IFFO2: variants seen among roughly 807,000 people sequenced by gnomAD.
IFFO2 encodes the protein intermediate filament family orphan 2.
Under a neutral mutation model 53.5 loss-of-function variants are expected in IFFO2, and 19 were observed. The ratio of observed to expected loss-of-function variants is 0.36; its 90% CI spans 0.25 to 0.52. The LOEUF (loss-of-function observed/expected upper bound fraction) is 0.52, where lower values mean the gene tolerates loss of function less well. Among genes scored for constraint, IFFO2 ranks in the 20% least tolerant of loss-of-function variants. IFFO2 has a pLI of 0.94. For synonymous variants in IFFO2, 303 were observed against 313.6 expected, an observed-to-expected ratio of 0.97 and a Z score of 0.36; for missense variants, 570 against 727.4, an observed-to-expected ratio of 0.78 and a Z score of 2.49.
chr1:18,946,996 A>G (rs1457591194), intron 1 of IFFO2, among the ~76,000 whole-genome samples: 1 of 152,202 alleles, frequency 6.6e-6, no homozygotes, highest in Admixed American at 6.5e-5. Flanking sequence ...TTGTCACATG[A>G]TGCTGCCACA....
intron 1 of IFFO2, among the ~76,000 whole-genome samples, chr1:18,933,897 A>T (rs1359710329): frequency 6.6e-6 from 1 of 152,048 alleles, no homozygotes; most frequent in Middle Eastern, 3.2e-3. Context: ...GCAAAACTGC[A>T]ACTGTGCCTG....
intron 1 of IFFO2, among the ~76,000 whole-genome samples, chr1:18,952,149 T>C (rs1028980536): frequency 1.3e-5 from 2 of 152,216 alleles, no homozygotes; most frequent in Admixed American, 1.3e-4. Flanking sequence ...AGCCCCCAGC[T>C]TGCAAAGTCA....
At chr1:18,940,039 G>A (rs879891469) in intron 1 of IFFO2, among the ~76,000 whole-genome samples, 5 of 152,214 alleles carry the variant, frequency 3.3e-5, no homozygotes, top group Admixed American at 3.3e-4. Flanking sequence ...CCCCTCAGGG[G>A]CTCAGCCAAC....
At chr1:18,951,292 C>A (rs1035805318) in intron 1 of IFFO2, among the ~76,000 whole-genome samples, 5 of 152,152 alleles carry the variant, frequency 3.3e-5, no homozygotes, top group African/African-American at 1.2e-4. Flanking sequence ...GACTCCAGGG[C>A]TCTAAAAAGC....
intron 1 of IFFO2, among the ~76,000 whole-genome samples, chr1:18,951,334 A>G (rs1263652705): frequency 1.2e-4 from 18 of 152,090 alleles, no homozygotes; most frequent in Non-Finnish European, 2.9e-5. Context: ...GAATGATCAC[A>G]GTGGTCTCTC....
rs772696008 is a variant in IFFO2, at chr1:18,910,455, G to A, written c.1335C>T (p.Ala445=). 42 of 1,613,406 alleles carry A rather than the reference G, an allele frequency of 2.6e-5. No individual in the cohort carries two copies. Among genetic ancestry groups the A allele is most frequent in the Non-Finnish European group, 4.2e-6 (5 of 1,179,760 alleles). The change falls in exon 8 of 9, where the codon GCC becomes GCT. Residue 445 remains alanine, a synonymous_variant. Coordinates refer to ENST00000455833, the MANE Select transcript of IFFO2 (RefSeq NM_001136265.2). The part of the protein sequence containing the change: ...IGQIELELAT[A]KSDMNRHLHE... ...GCAGGTGTCGGTTCATGTCACTTTT[G>A]GCTGTGGCCAGCTCGAGCTGGGAGG...
Position 18,908,655 on chromosome 1 carries a change from G to A in IFFO2, c.1460C>T (p.Ser487Phe). Reference protein sequence around the residue: ...IKGSADRNSPSPSSVASSDSG... With the variant: ...IKGSADRNSPFPSSVASSDSG... ...GTCGCTGCTGGCCACGGAGCTGGGGGACGGTGAATTCCTGAGAAGCACAAG... is the reference window on the plus strand; with the variant it reads ...GTCGCTGCTGGCCACGGAGCTGGGGAACGGTGAATTCCTGAGAAGCACAAG... The change falls in exon 9 of 9, where the codon TCC becomes TTC. Residue 487 changes from serine (S) to phenylalanine (F), a missense_variant. Ser to Phe is a radical substitution (Grantham distance 155). Transcript: ENST00000455833. The A allele has an allele frequency of 6.4e-7, 1 of 1,551,332 alleles. No individual in the cohort carries two copies. Among genetic ancestry groups the A allele is most frequent in the Non-Finnish European group, 8.7e-7 (1 of 1,146,676 alleles).
In IFFO2 at chr1:18,914,574, C is replaced by G. The variant is rs67547820; in HGVS notation, c.1103+2329G>C. Among the ~76,000 whole-genome samples the G allele has an allele frequency of 3.3e-5, 5 of 151,956 alleles. No homozygotes were observed. In the East Asian group the frequency reaches 9.7e-4, roughly 29 times the overall value. ...GCTCATGCCTGTAATTCCAGGACTTCGGGAGGCCAAGGTGGGCGGATCACT... is the reference window on the plus strand; with the variant it reads ...GCTCATGCCTGTAATTCCAGGACTTGGGGAGGCCAAGGTGGGCGGATCACT... On this transcript the variant is annotated intron_variant, in intron 5 of 8. Transcript: ENST00000455833.
At position 18,919,784 on chromosome 1, in the gene IFFO2, G is replaced by A. The variant is rs969515466; in HGVS notation, c.727-11C>T. 23 of 1,541,328 alleles carry A rather than the reference G, an allele frequency of 1.5e-5. No homozygotes were observed. Among genetic ancestry groups the A allele is most frequent in the South Asian group, 2.4e-5 (2 of 83,856 alleles). ...AGCCTCCTGTGCTGCCTGCGGGGACGGAGATGGGGAGGCTTCAGAGGGGCC... is the reference window on the plus strand; with the variant it reads ...AGCCTCCTGTGCTGCCTGCGGGGACAGAGATGGGGAGGCTTCAGAGGGGCC... On this transcript the variant is annotated splice_polypyrimidine_tract_variant and intron_variant, in intron 2 of 8. Transcript: ENST00000455833. The surrounding 1 kb of genome is among the most constrained non-coding windows in gnomAD (Gnocchi z 4.9).
chr1:18,922,023 T>C (rs1045844020), intron 1 of IFFO2, among the ~76,000 whole-genome samples: 3 of 152,076 alleles, frequency 2.0e-5, no homozygotes, highest in Non-Finnish European at 2.9e-5. Context: ...AATTCAATCC[T>C]CGTAACAACC....
At chr1:18,914,716 C>T (rs550349296) in intron 5 of IFFO2, among the ~76,000 whole-genome samples, 48 of 150,326 alleles carry the variant, frequency 3.2e-4, no homozygotes, top group African/African-American at 9.3e-4. Context: ...TCAGCTACTT[C>T]GGAGACTGAG....
intron 1 of IFFO2, among the ~76,000 whole-genome samples, chr1:18,934,053 A>ATTT (rs1936413729): frequency 8.4e-5 from 4 of 47,762 alleles, no homozygotes; most frequent in African/African-American, 2.5e-4. Flanking sequence ...TATTTCTCTT[A>ATTT]TTTCTTTTTT....
rs1936211627 is a variant in IFFO2 at position 18,921,184 on chromosome 1, G to GACAC, written c.666-67_666-64dup. 38 of 1,400,936 alleles carry GACAC rather than the reference G, an allele frequency of 2.7e-5. No homozygotes were observed. In the South Asian group the frequency reaches 4.4e-4, roughly 16 times the overall value. The allele number at this position is 1,400,936 out of a possible 1,614,324, so 86.8% of individuals were successfully genotyped here. On this transcript the variant is annotated intron_variant, in intron 1 of 8. Transcript: ENST00000455833. ...GTTCCCTGTGCCAGTCCAGCCCTCA[G>GACAC]ACACAACCCCAACACCCACCCAGGG...
chr1:18,932,857 T>C (rs1349813666), intron 1 of IFFO2, among the ~76,000 whole-genome samples: 1 of 152,022 alleles, frequency 6.6e-6, no homozygotes, highest in African/African-American at 2.4e-5. Context: ...GGACGTCCCA[T>C]CTCCCTTGTA....
In IFFO2 at chr1:18,905,138, C is replaced by T. The variant is rs1464239227; in HGVS notation, c.*3423G>A. Reference sequence around the variant, plus strand: ...GCGCCTTGTCCCTTCCCCCACCCACCACATTTCTGAATTTCCTGCAGCCCA... The same window carrying T: ...GCGCCTTGTCCCTTCCCCCACCCACTACATTTCTGAATTTCCTGCAGCCCA... On this transcript the variant is annotated 3_prime_UTR_variant, in exon 9 of 9. Coordinates refer to ENST00000455833, the MANE Select transcript of IFFO2 (RefSeq NM_001136265.2). The T allele has an allele frequency of 6.6e-6, 1 of 152,162 alleles. No homozygotes were observed. Among genetic ancestry groups the T allele is most frequent in the Non-Finnish European group, 1.5e-5 (1 of 68,066 alleles). The allele number at this position is 152,162 out of a possible 1,614,324, so 9.4% of individuals were successfully genotyped here. A position where few individuals can be genotyped will look rare whatever the true frequency, so the allele number is the denominator to read the frequency against.
At chr1:18,931,031 G>C (rs540265287) in intron 1 of IFFO2, among the ~76,000 whole-genome samples, 1 of 152,234 alleles carries the variant, frequency 6.6e-6, no homozygotes, top group African/African-American at 2.4e-5. Context: ...AATTAGCCAG[G>C]CATGGTGGCA....
rs1935983955 is a variant in IFFO2, at chr1:18,908,457, T to C, written c.*104A>G. On this transcript the variant is annotated 3_prime_UTR_variant, in exon 9 of 9. Transcript: ENST00000455833. Reference sequence around the variant, plus strand: ...GAGAAGGGAGGGCAGAGAAAGTCTGTGTGGTGTGGCTTCGAACCCCACTCC... The same window carrying C: ...GAGAAGGGAGGGCAGAGAAAGTCTGCGTGGTGTGGCTTCGAACCCCACTCC... The C allele has an allele frequency of 1.3e-6, 1 of 775,980 alleles. No individual in the cohort carries two copies. Among genetic ancestry groups the C allele is most frequent in the South Asian group, 1.5e-5 (1 of 66,794 alleles). The allele number at this position is 775,980 out of a possible 1,614,324, so 48.1% of individuals were successfully genotyped here. A position where few individuals can be genotyped will look rare whatever the true frequency, so the allele number is the denominator to read the frequency against.
rs969517234 is a variant in IFFO2 at position 18,947,531 on chromosome 1, A to C, written c.665+8137T>G. On this transcript the variant is annotated intron_variant, in intron 1 of 8. Coordinates refer to ENST00000455833, the MANE Select transcript of IFFO2 (RefSeq NM_001136265.2). This position sits in a 1 kb window ranked among gnomAD's most constrained non-coding sequence, Gnocchi z 5.0. ...AGGTTGGATCTGGAGCCTGACTTCC[A>C]AGTTACTTCTCCTCTCTGAGCCTCG... is the stretch of plus-strand genomic sequence containing the variant. Among the ~76,000 whole-genome samples the C allele has an allele frequency of 2.0e-5, 3 of 152,166 alleles. No homozygotes were observed. Among genetic ancestry groups the C allele is most frequent in the Admixed American group, 2.0e-4 (3 of 15,286 alleles).
intron 1 of IFFO2, among the ~76,000 whole-genome samples, chr1:18,948,971 G>A (rs1470059910): frequency 6.6e-6 from 1 of 152,220 alleles, no homozygotes; most frequent in South Asian, 2.1e-4. Context: ...ACTGAGGCTC[G>A]AGAGGCAGTG....
Sources: gnomAD v4.1 joint callset for allele counts (sites outside exome capture counted in the v4.1 genomes callset) on GRCh38, gnomAD v4.1.1 for gene constraint, Gnocchi (gnomAD v3.1) non-coding constraint, MANE v1.5 for transcripts, NCBI Gene and HGNC (gene_info 2026-07-23, HGNC 2026-07-21) for gene names.